Variants in ERG observed in about 807,000 individuals in gnomAD.
The protein encoded by ERG is transcriptional regulator ERG.
In ERG, 9 loss-of-function variants were observed where a neutral mutation model predicts 55.3. The observed-to-expected ratio is 0.16, with a 90% CI of 0.10 to 0.28. The LOEUF (loss-of-function observed/expected upper bound fraction) is 0.28. ERG is among the 10% of genes least tolerant of loss of function. The pLI, the probability that ERG is intolerant of heterozygous loss-of-function variation, is 1.00. For synonymous variants in ERG, 223 were observed against 237.3 expected (o/e 0.94, Z 0.55); for missense variants, 434 against 631.6 (o/e 0.69, Z 3.35).
intron 1 of ERG, among the ~76,000 whole-genome samples, chr21:38,476,515 G>A (rs752584414): frequency 1.3e-5 from 2 of 152,254 alleles, no homozygotes; most frequent in East Asian, 1.9e-4. Context: ...GGCTGATGAC[G>A]GCTCCAATGG....
chr21:38,367,456 G>A, the ERG span, among the ~76,000 whole-genome samples: 6 of 152,136 alleles, frequency 3.9e-5, no homozygotes, highest in African/African-American at 1.4e-4. Context: ...ATTGGCTTTT[G>A]ACAGGAGGCT....
intron 1 of ERG, among the ~76,000 whole-genome samples, chr21:38,637,082 G>T (rs932482228): frequency 6.6e-6 from 1 of 152,194 alleles, no homozygotes; most frequent in Non-Finnish European, 1.5e-5. Context: ...TGATAATCTA[G>T]TCTAGATGAA....
chr21:38,461,501 C>G (rs1007957750), intron 1 of ERG, among the ~76,000 whole-genome samples: 3 of 152,208 alleles, frequency 2.0e-5, no homozygotes, highest in Admixed American at 1.3e-4. Flanking sequence ...CTCTTCTTCA[C>G]TGCTGTATCT....
At chr21:38,521,976 T>C (rs2059598298) in intron 2 of ERG, among the ~76,000 whole-genome samples, 1 of 152,230 alleles carries the variant, frequency 6.6e-6, no homozygotes, top group African/African-American at 2.4e-5. Flanking sequence ...TTTATAATTA[T>C]TCCTCCCATC....
chr21:38,502,238 G>A (rs948182140), upstream of ERG, among the ~76,000 whole-genome samples: 5 of 152,336 alleles, frequency 3.3e-5, no homozygotes, highest in African/African-American at 7.2e-5. Context: ...AAATGATGTC[G>A]TAGATGAACA....
chr21:38,456,501 A>C (rs1006610691), intron 1 of ERG, among the ~76,000 whole-genome samples: 2 of 152,242 alleles, frequency 1.3e-5, no homozygotes, highest in African/African-American at 4.8e-5. Flanking sequence ...GTCTTGTAGA[A>C]ACTGGGGTTC....
intron 2 of ERG, among the ~76,000 whole-genome samples, chr21:38,435,513 AC>A (rs1352028893): frequency 6.6e-6 from 1 of 151,942 alleles, no homozygotes; most frequent in Non-Finnish European, 1.5e-5. Flanking sequence ...TGTTATTTTT[AC>A]CCTTACTAAA....
At position 38,381,122 on chromosome 21, in the gene ERG, G is replaced by A. The variant is rs370828224; in HGVS notation, c.*2281C>T. ...GGGTGTCAGGAGCATTGGTAATCGT[G>A]TCCTGCCGACTTCAAAGCCCACTGC... is the stretch of plus-strand genomic sequence containing the variant. On this transcript the variant is annotated 3_prime_UTR_variant, in exon 10 of 10. Transcript: ENST00000288319. 2.3e-5 allele frequency: 25 copies of A among 1,064,920 alleles called. No homozygotes were observed. The highest frequency in any genetic ancestry group is 2.1e-4 in the African/African-American group (13 of 61,116). The allele number at this position is 1,064,920 out of a possible 1,614,324, so 66.0% of individuals were successfully genotyped here. A position where few individuals can be genotyped will look rare whatever the true frequency, so the allele number is the denominator to read the frequency against.
intron 1 of ERG, among the ~76,000 whole-genome samples, chr21:38,497,563 G>A (rs2059389962): frequency 6.6e-6 from 1 of 152,102 alleles, no homozygotes; most frequent in Admixed American, 6.5e-5. Flanking sequence ...CAGGAATCAG[G>A]CCATATTTAG....
At chr21:38,403,752 G>T in intron 3 of ERG, 43 bp from the exon 4 acceptor site, 1 of 1,586,580 alleles carries the variant, frequency 6.3e-7, no homozygotes, top group Non-Finnish European at 8.6e-7. Context: ...CTGAAGCCAG[G>T]GATCTTCATC....
At chr21:38,555,093 G>A (rs1276320757) in intron 2 of ERG, among the ~76,000 whole-genome samples, 2 of 152,138 alleles carry the variant, frequency 1.3e-5, no homozygotes, top group African/African-American at 2.4e-5. Context: ...TTGGGATGCT[G>A]AGGCGGGCGG....
At chr21:38,437,725 T>C (rs1003357641) in intron 2 of ERG, among the ~76,000 whole-genome samples, 1 of 152,176 alleles carries the variant, frequency 6.6e-6, no homozygotes, top group Non-Finnish European at 1.5e-5. Flanking sequence ...TCATGCCATA[T>C]GTCCAACCCA....
At chr21:38,565,416 C>T (rs1213522186) in intron 2 of ERG, among the ~76,000 whole-genome samples, 1 of 152,192 alleles carries the variant, frequency 6.6e-6, no homozygotes, top group South Asian at 2.1e-4. Context: ...CGCAGTGTGC[C>T]AAATAAAATG....
chr21:38,581,810 G>A (rs61506512), intron 1 of ERG, among the ~76,000 whole-genome samples: 9 of 152,096 alleles, frequency 5.9e-5, no homozygotes, highest in African/African-American at 9.7e-5. Context: ...TTGGGAGGCC[G>A]AGGAGGGTGG....
chr21:38,387,029 G>A (rs901499493), intron 9 of ERG, among the ~76,000 whole-genome samples: 1 of 152,034 alleles, frequency 6.6e-6, no homozygotes, highest in African/African-American at 2.4e-5. Flanking sequence ...TAAAAGAAAG[G>A]GAGAGAAACA....
At position 38,460,660 on chromosome 21, in the gene ERG, G is replaced by T. The variant is rs193016767; in HGVS notation, c.19-15039C>A. 1.2e-4 allele frequency among the ~76,000 whole-genome samples: 18 copies of T among 152,302 alleles called. No individual in the cohort carries two copies. Among genetic ancestry groups the T allele is most frequent in the Non-Finnish European group, 2.5e-4 (17 of 68,030 alleles). The stretch of plus-strand genomic sequence containing the variant: ...TTTTGAAAGGCTTTGACTCACACAG[G>T]AAATACCTCACTGAGGCTCCCACCC... On this transcript the variant is annotated intron_variant, in intron 1 of 9. Coordinates refer to ENST00000288319, the MANE Select transcript of ERG (RefSeq NM_182918.4). The surrounding 1 kb of genome is among the most constrained non-coding windows in gnomAD (Gnocchi z 5.0).
At chr21:38,616,414 T>TG (rs1202160149) in intron 1 of ERG, among the ~76,000 whole-genome samples, 128 of 152,308 alleles carry the variant, frequency 8.4e-4, no homozygotes, top group African/African-American at 2.7e-3. Flanking sequence ...AAAGCTATTT[T>TG]TGTCTCAATA....
At chr21:38,569,176 C>G (rs550131004) in intron 2 of ERG, among the ~76,000 whole-genome samples, 2 of 152,364 alleles carry the variant, frequency 1.3e-5, no homozygotes, top group East Asian at 1.9e-4. Context: ...CCCTCCCCCC[C>G]CACCCCCAGT....
chr21:38,609,012 T>A (rs1297530971), intron 1 of ERG, among the ~76,000 whole-genome samples: 1 of 152,312 alleles, frequency 6.6e-6, no homozygotes, highest in African/African-American at 2.4e-5. Context: ...AACATACCCA[T>A]CATCTCCCAT....
Sources: allele counts gnomAD v4.1 joint callset (sites outside exome capture counted in the v4.1 genomes callset), GRCh38; gene constraint gnomAD v4.1.1; non-coding constraint Gnocchi (gnomAD v3.1); transcripts MANE v1.5; gene names NCBI Gene and HGNC (gene_info 2026-07-23, HGNC 2026-07-21).